RARB: variants seen among roughly 807,000 people sequenced by gnomAD.
RARB encodes the protein HBV-activated protein.
Under a neutral mutation model 51.9 loss-of-function variants are expected in RARB, and 17 were observed. The ratio of observed to expected loss-of-function variants is 0.33; its 90% confidence interval spans 0.22 to 0.49. The LOEUF (loss-of-function observed/expected upper bound fraction) is 0.49, where lower values mean the gene tolerates loss of function less well. Among genes scored for constraint, RARB ranks in the 20% least tolerant of loss-of-function variants. RARB has a pLI of 0.99. For synonymous variants in RARB, 215 were observed against 195.4 expected (o/e 1.10, Z -0.84); for missense variants, 369 against 550.8 (o/e 0.67, Z 3.30).
At chr3:24,947,786 C>T (rs1430567066) in intron 2 of RARB, among the ~76,000 whole-genome samples, 2 of 152,134 alleles carry the variant, frequency 1.3e-5, no homozygotes, top group African/African-American at 4.8e-5. Context: ...TCAAATAGAG[C>T]TGCAATCAGG....
chr3:25,388,477 G>A (rs181473948), intron 5 of RARB, among the ~76,000 whole-genome samples: 1 of 152,226 alleles, frequency 6.6e-6, no homozygotes. Context: ...CATTATGCTT[G>A]AAAGCATTAG....
At chr3:24,881,488 C>G (rs974749566) in intron 2 of RARB, among the ~76,000 whole-genome samples, 2 of 152,106 alleles carry the variant, frequency 1.3e-5, no homozygotes, top group African/African-American at 4.8e-5. Context: ...GTTGAGTGAA[C>G]TCATTGAGTA....
intron 2 of RARB, among the ~76,000 whole-genome samples, chr3:24,977,041 T>C (rs1344867686): frequency 6.6e-6 from 1 of 152,220 alleles, no homozygotes; most frequent in Non-Finnish European, 1.5e-5. Context: ...TTCTTGTTTT[T>C]GTCAGGTTTG....
intron 5 of RARB, among the ~76,000 whole-genome samples, chr3:25,357,390 C>T (rs142001230): frequency 0.082 from 12,497 of 152,106 alleles, 718 homozygotes; most frequent in South Asian, 0.19. Flanking sequence ...TGTTTAAGTT[C>T]CTTGTAGATT....
In RARB at chr3:25,230,280, C is replaced by A. The variant is rs574808725; in HGVS notation, c.178+55705C>A. On this transcript the variant is annotated intron_variant, in intron 5 of 11. Coordinates refer to the RARB transcript ENST00000383772. ...CTTATTCTCTGAACATGTCACACGC[C>A]TTTTTACACACTGGGAACCTATGGA... is the stretch of plus-strand genomic sequence containing the variant. 3.9e-5 allele frequency among the ~76,000 whole-genome samples: 6 copies of A among 152,140 alleles called. No individual in the cohort carries two copies. The South Asian group carries it at 1.0e-3, about 26-fold the overall frequency.
chr3:25,479,713 C>G (rs1696136677), intron 2 of RARB, among the ~76,000 whole-genome samples: 1 of 152,166 alleles, frequency 6.6e-6, no homozygotes, highest in Non-Finnish European at 1.5e-5. Context: ...CCTACCAAGG[C>G]TTTATTATCT....
intron 1 of RARB, among the ~76,000 whole-genome samples, chr3:25,449,251 TC>T (rs1002971964): frequency 7.9e-5 from 12 of 152,108 alleles, no homozygotes; most frequent in Non-Finnish European, 1.2e-4. Flanking sequence ...GCTGCCATTC[TC>T]CCTGCTGAGG....
chr3:24,985,132 G>C (rs879640947), intron 2 of RARB, among the ~76,000 whole-genome samples: 2 of 152,234 alleles, frequency 1.3e-5, no homozygotes, highest in East Asian at 3.9e-4. Context: ...GAAATGGTGA[G>C]GGGTTCTTTT....
chr3:25,044,879 GTCTC>G (rs1425480756), intron 2 of RARB, among the ~76,000 whole-genome samples: 2 of 152,102 alleles, frequency 1.3e-5, no homozygotes, highest in African/African-American at 4.8e-5. Context: ...CAGCAGTCCT[GTCTC>G]TCTTTATTAA....
At chr3:25,028,386 G>A (rs1697795744) in intron 2 of RARB, among the ~76,000 whole-genome samples, 1 of 152,156 alleles carries the variant, frequency 6.6e-6, no homozygotes, top group South Asian at 2.1e-4. Flanking sequence ...CCAAAGTGAA[G>A]TCCCTGGACC....
chr3:24,840,094 C>T (rs1702401022), intron 1 of RARB, among the ~76,000 whole-genome samples: 2 of 152,142 alleles, frequency 1.3e-5, no homozygotes, highest in Admixed American at 1.3e-4. Context: ...GTTTTCTCAC[C>T]TGCAGAATGA....
chr3:25,029,381 A>G (rs1317597257), intron 2 of RARB, among the ~76,000 whole-genome samples: 1 of 152,218 alleles, frequency 6.6e-6, no homozygotes, highest in Non-Finnish European at 1.5e-5. Flanking sequence ...CTACCATAAA[A>G]GACAAACTCC....
intron 2 of RARB, among the ~76,000 whole-genome samples, chr3:25,462,063 T>C (rs1695213543): frequency 6.6e-6 from 1 of 152,236 alleles, no homozygotes; most frequent in Non-Finnish European, 1.5e-5. Flanking sequence ...AACTGGGATT[T>C]GTCTGCTGGC....
chr3:25,405,017 A>T (rs778316615), intron 5 of RARB, among the ~76,000 whole-genome samples: 4 of 152,160 alleles, frequency 2.6e-5, no homozygotes, highest in African/African-American at 4.8e-5. Flanking sequence ...ATAATTTCTA[A>T]ATCCCACCAG....
intron 3 of RARB, among the ~76,000 whole-genome samples, chr3:25,090,899 T>G (rs978738565): frequency 3.9e-5 from 6 of 152,142 alleles, no homozygotes; most frequent in African/African-American, 1.4e-4. Flanking sequence ...CAAGAAATGT[T>G]TAAGATGATC....
chr3:25,447,797 T>C (rs1200724737), intron 1 of RARB, among the ~76,000 whole-genome samples: 1 of 152,084 alleles, frequency 6.6e-6, no homozygotes, highest in African/African-American at 2.4e-5. Context: ...CATGACTTGC[T>C]TTCCTCACAT....
chr3:25,523,785 A>T (rs1169471453), intron 3 of RARB, among the ~76,000 whole-genome samples: 1 of 152,218 alleles, frequency 6.6e-6, no homozygotes, highest in East Asian at 1.9e-4. Context: ...TTCGGAGCTA[A>T]AGGGGGAAAA....
intron 4 of RARB, among the ~76,000 whole-genome samples, chr3:25,148,697 T>A (rs1209428183): frequency 6.6e-6 from 1 of 152,216 alleles, no homozygotes; most frequent in Admixed American, 6.5e-5. Flanking sequence ...AGTTTCCTCA[T>A]GTGTAAAGAG....
intron 3 of RARB, among the ~76,000 whole-genome samples, chr3:25,074,644 T>G (rs955359073): frequency 2.6e-5 from 4 of 152,154 alleles, no homozygotes; most frequent in African/African-American, 9.7e-5. Context: ...ACAAAAAAAT[T>G]AGTTGATTAA....
Sources: allele counts gnomAD v4.1 joint callset (sites outside exome capture counted in the v4.1 genomes callset), GRCh38; gene constraint gnomAD v4.1.1; transcripts MANE v1.5; gene names NCBI Gene and HGNC (gene_info 2026-07-23, HGNC 2026-07-21).